MYO9A: variants seen among roughly 807,000 people sequenced by gnomAD.
The protein encoded by MYO9A is myosin IXA, also known as unconventional myosin-IXa.
In MYO9A, 103 loss-of-function variants were observed where a neutral mutation model predicts 293.3. The ratio of observed to expected loss-of-function variants is 0.35; its 90% CI spans 0.30 to 0.41. MYO9A has a LOEUF of 0.41. Ranked by LOEUF, MYO9A falls within the 10% of genes least tolerant of loss-of-function variation. MYO9A has a pLI of 1.00. For missense variants in MYO9A, 2,685 were observed against 3,033.0 expected (o/e 0.89, Z 2.69); for synonymous variants, 1,001 against 1,035.7 (o/e 0.97, Z 0.64).
intron 2 of MYO9A, among the ~76,000 whole-genome samples, chr15:72,034,242 T>C (rs1463349028): frequency 6.6e-6 from 1 of 152,214 alleles, no homozygotes; most frequent in African/African-American, 2.4e-5. Context: ...AACTATTGAA[T>C]GAGAAACTCT....
chr15:71,934,859 T>C (rs1019779826), intron 17 of MYO9A, among the ~76,000 whole-genome samples: 5 of 147,318 alleles, frequency 3.4e-5, no homozygotes, highest in Admixed American at 7.0e-5. Context: ...GTTATAGCTA[T>C]GTCTTCAAAC....
At chr15:71,956,330 A>AAAAAAAAAATATATAT (rs10642655) in intron 14 of MYO9A, among the ~76,000 whole-genome samples, 3 of 75,580 alleles carry the variant, frequency 4.0e-5, no homozygotes, top group African/African-American at 1.8e-4. Flanking sequence ...AAAAAAAAAA[A>AAAAAAAAAATATATAT]ATATATATAT....
At chr15:71,946,553 GT>G (rs2058923111) in intron 15 of MYO9A, among the ~76,000 whole-genome samples, 1 of 152,110 alleles carries the variant, frequency 6.6e-6, no homozygotes, top group Admixed American at 6.5e-5. Context: ...TAATAGCTTT[GT>G]GTCTTCTCTC....
intron 19 of MYO9A, among the ~76,000 whole-genome samples, chr15:71,905,235 T>C (rs1032866499): frequency 2.6e-4 from 40 of 152,176 alleles, no homozygotes; most frequent in African/African-American, 9.2e-4. Context: ...ATAGTAAATA[T>C]TGCAGATGTT....
At chr15:72,052,007 G>A (rs2078580137) in intron 1 of MYO9A, among the ~76,000 whole-genome samples, 1 of 152,200 alleles carries the variant, frequency 6.6e-6, no homozygotes, top group African/African-American at 2.4e-5. Context: ...GGTTGTCAAT[G>A]AACCAATCAG....
intron 1 of MYO9A, among the ~76,000 whole-genome samples, chr15:72,050,648 T>A (rs12914636): frequency 0.25 from 34,744 of 140,404 alleles, 4,180 homozygotes; most frequent in East Asian, 0.51. Context: ...ACAAACAAAA[T>A]TTTTTTTTAA....
intron 39 of MYO9A, among the ~76,000 whole-genome samples, chr15:71,842,915 ATGTGTG>A (rs55982936): frequency 6.7e-6 from 1 of 148,908 alleles, no homozygotes; most frequent in Non-Finnish European, 1.5e-5. Context: ...TTGTGTATGC[ATGTGTG>A]TGTGTGTGTA....
intron 1 of MYO9A, among the ~76,000 whole-genome samples, chr15:72,048,515 T>C (rs1566983290): frequency 6.6e-6 from 1 of 152,192 alleles, no homozygotes; most frequent in Non-Finnish European, 1.5e-5. Flanking sequence ...TCCTATCTCA[T>C]AGCATACTGA....
chr15:71,884,591 T>C (rs1235492215), intron 27 of MYO9A, among the ~76,000 whole-genome samples: 1 of 152,178 alleles, frequency 6.6e-6, no homozygotes, highest in Non-Finnish European at 1.5e-5. Flanking sequence ...ACATCTATTA[T>C]ATTGTATTGC....
intron 11 of MYO9A, among the ~76,000 whole-genome samples, chr15:71,986,099 C>G (rs376277506): frequency 1.3e-5 from 2 of 152,044 alleles, no homozygotes; most frequent in Non-Finnish European, 2.9e-5. Context: ...TAGATCCAAC[C>G]GACCACATAT....
At chr15:72,052,301 C>T (rs1336796033) in intron 1 of MYO9A, among the ~76,000 whole-genome samples, 1 of 152,088 alleles carries the variant, frequency 6.6e-6, no homozygotes, top group Non-Finnish European at 1.5e-5. Flanking sequence ...CACCCGAACA[C>T]TCATCAGGAC....
At chr15:71,959,360 A>T (rs1377954278) in intron 14 of MYO9A, 1 of 152,524 alleles carries the variant, frequency 6.6e-6, no homozygotes, top group African/African-American at 2.4e-5. Flanking sequence ...GAGTCCTGAA[A>T]GCACAGGTGA....
chr15:71,931,204 T>C (rs2058465341), intron 18 of MYO9A, among the ~76,000 whole-genome samples: 1 of 152,198 alleles, frequency 6.6e-6, no homozygotes, highest in Non-Finnish European at 1.5e-5. Context: ...TAATTATCAC[T>C]GTCCTTTAGC....
chr15:72,047,138 A>C (rs1457857213), intron 1 of MYO9A, among the ~76,000 whole-genome samples: 4 of 152,358 alleles, frequency 2.6e-5, no homozygotes, highest in Non-Finnish European at 5.9e-5. Flanking sequence ...AAATTACATA[A>C]AACCAAGAAA....
chr15:72,044,503 A>G (rs1264880155), intron 2 of MYO9A, among the ~76,000 whole-genome samples: 4 of 152,158 alleles, frequency 2.6e-5, no homozygotes, highest in Non-Finnish European at 4.4e-5. Context: ...CCTCCTATAT[A>G]ACTAAAAAAT....
At chr15:71,996,380 T>C (rs35288005) in intron 9 of MYO9A, among the ~76,000 whole-genome samples, 2,130 of 152,318 alleles carry the variant, frequency 0.014, 22 homozygotes, top group East Asian at 0.025. Flanking sequence ...TAAAATACCA[T>C]AGTCATAGAA....
At chr15:71,928,027 A>ATAT (rs2058360113) in intron 18 of MYO9A, among the ~76,000 whole-genome samples, 2 of 10,754 alleles carry the variant, frequency 1.9e-4, no homozygotes, top group African/African-American at 4.4e-4. Flanking sequence ...ATACCTTTCT[A>ATAT]ATATATATAT....
intron 26 of MYO9A, chr15:71,889,996 T>C (rs2057131602): frequency 6.6e-6 from 1 of 152,212 alleles, no homozygotes; most frequent in Non-Finnish European, 1.5e-5. Flanking sequence ...AACAACCAGT[T>C]TTCTACCACG....
intron 2 of MYO9A, chr15:72,041,199 G>A (rs2078216392): frequency 2.3e-5 from 32 of 1,372,710 alleles, no homozygotes; most frequent in Middle Eastern, 5.0e-4. Context: ...TTATTTGCAG[G>A]GTTTTATGGC....
Sources: gnomAD v4.1 joint callset for allele counts (sites outside exome capture counted in the v4.1 genomes callset) on GRCh38, gnomAD v4.1.1 for gene constraint, MANE v1.5 for transcripts, NCBI Gene and HGNC (gene_info 2026-07-23, HGNC 2026-07-21) for gene names.